STPG2: variants seen among roughly 807,000 people sequenced by gnomAD.
STPG2 encodes sperm-tail PG-rich repeat-containing protein 2.
STPG2 carries 56 observed loss-of-function variants against 54.2 expected under a neutral mutation model. That is an observed-to-expected ratio of 1.03 (90% confidence interval 0.83 to 1.29). The LOEUF (loss-of-function observed/expected upper bound fraction) is 1.29. Ranked by LOEUF, STPG2 falls within the 50% of genes most tolerant of loss-of-function variation. The pLI, the probability that STPG2 is intolerant of heterozygous loss-of-function variation, is 0.00. For synonymous variants in STPG2, 200 were observed against 181.8 expected, an observed-to-expected ratio of 1.10 and a Z score of -0.81; for missense variants, 596 against 544.9, an observed-to-expected ratio of 1.09 and a Z score of -0.93.
chr4:97,458,597 G>C (rs1482367021), intron 4 of STPG2, among the ~76,000 whole-genome samples: 1 of 152,094 alleles, frequency 6.6e-6, no homozygotes, highest in Non-Finnish European at 1.5e-5. Context: ...TCATACGTTT[G>C]ATTGAATAGT....
chr4:97,624,175 A>G (rs1734082881), intron 10 of STPG2, among the ~76,000 whole-genome samples: 1 of 152,154 alleles, frequency 6.6e-6, no homozygotes, highest in South Asian at 2.1e-4. Context: ...TGCTTGGCCA[A>G]ATGGTATTTC....
chr4:98,046,333 G>A (rs4699323), intron 5 of STPG2, among the ~76,000 whole-genome samples: 31,747 of 152,056 alleles, frequency 0.21, 3,586 homozygotes, highest in Middle Eastern at 0.28. Flanking sequence ...AATTTCATGA[G>A]GGCCAGTTTC....
intron 9 of STPG2, among the ~76,000 whole-genome samples, chr4:97,756,242 A>C (rs1725728626): frequency 6.6e-6 from 1 of 152,188 alleles, no homozygotes; most frequent in Non-Finnish European, 1.5e-5. Context: ...GATAAACAAA[A>C]TTATTGAAAG....
At chr4:98,105,018 A>G (rs1739149666) in intron 5 of STPG2, among the ~76,000 whole-genome samples, 1 of 152,234 alleles carries the variant, frequency 6.6e-6, no homozygotes, top group Non-Finnish European at 1.5e-5. Flanking sequence ...GGCCAATCCC[A>G]GCAGCCATAC....
chr4:97,892,150 T>C (rs1730795582), intron 8 of STPG2, among the ~76,000 whole-genome samples: 2 of 152,100 alleles, frequency 1.3e-5, no homozygotes, highest in Non-Finnish European at 2.9e-5. Flanking sequence ...TAATCATGGG[T>C]TTTAGAATCA....
At position 97,672,726 on chromosome 4, in the gene STPG2, T is replaced by C. The variant is rs146502282; in HGVS notation, c.1320+39973A>G. On this transcript the variant is annotated intron_variant, in intron 10 of 10. Coordinates refer to ENST00000295268, the MANE Select transcript of STPG2 (RefSeq NM_174952.3). ...TCTCAGGAGAACATGACTGAGTTTA[T>C]TCTAAGGAGATCAGTATGCATTTAA... is the stretch of plus-strand genomic sequence containing the variant. Among the ~76,000 whole-genome samples, 362 of 152,278 alleles carry C rather than the reference T, an allele frequency of 2.4e-3. 1 individual carries two copies. The highest frequency in any genetic ancestry group is 5.0e-3 in the Admixed American group (77 of 15,292).
At chr4:98,067,544 A>T (rs371684111) in intron 5 of STPG2, among the ~76,000 whole-genome samples, 2 of 152,194 alleles carry the variant, frequency 1.3e-5, no homozygotes, top group East Asian at 1.9e-4. Flanking sequence ...AGGCTTTCAG[A>T]TAATATCAAG....
At chr4:97,793,507 T>C (rs1299790701) in intron 9 of STPG2, among the ~76,000 whole-genome samples, 1 of 151,986 alleles carries the variant, frequency 6.6e-6, no homozygotes, top group Non-Finnish European at 1.5e-5. Context: ...CAGTACACAA[T>C]ATGTACAGCT....
chr4:97,566,255 A>G (rs923893972), intron 10 of STPG2, among the ~76,000 whole-genome samples: 3 of 152,110 alleles, frequency 2.0e-5, no homozygotes, highest in African/African-American at 7.2e-5. Context: ...GCGGGATATA[A>G]TCTCCTGGTG....
intron 8 of STPG2, among the ~76,000 whole-genome samples, chr4:97,889,396 A>T (rs1730686788): frequency 6.6e-6 from 1 of 152,232 alleles, no homozygotes; most frequent in Non-Finnish European, 1.5e-5. Flanking sequence ...TATTCACAGT[A>T]GTCAAGATAT....
At position 97,840,777 on chromosome 4, in the gene STPG2, C is replaced by T. The variant is rs1206669534; in HGVS notation, c.1200G>A (p.Gly400=). The T allele has an allele frequency of 1.9e-6, 3 of 1,610,570 alleles. No homozygotes were observed. The highest frequency in any genetic ancestry group is 2.2e-5 in the East Asian group (1 of 44,814). ...TPRCLEKVTD[G]PGPAAYNPVL... ...TATAAGGACTTCTAGACTTACCTGG[C>T]CCATCAGTCACTTTTTCTAGGCACC... The change falls in exon 9 of 11, where the codon GGG becomes GGA. Residue 400 remains glycine (G), a synonymous_variant. Transcript: ENST00000295268.
intron 9 of STPG2, among the ~76,000 whole-genome samples, chr4:97,784,910 T>A (rs1726777902): frequency 6.6e-6 from 1 of 152,022 alleles, no homozygotes; most frequent in South Asian, 2.1e-4. Context: ...CATCTATAAT[T>A]TCTGGCAAAA....
At chr4:97,828,707 G>C (rs368099073) in intron 9 of STPG2, among the ~76,000 whole-genome samples, 1 of 152,082 alleles carries the variant, frequency 6.6e-6, no homozygotes, top group Admixed American at 6.5e-5. Context: ...GCTTGATCGC[G>C]GGAGGGGCAT....
At chr4:97,977,613 G>C (rs1734539967) in intron 6 of STPG2, among the ~76,000 whole-genome samples, 1 of 152,126 alleles carries the variant, frequency 6.6e-6, no homozygotes, top group South Asian at 2.1e-4. Context: ...AAGAGGCCCA[G>C]ATCAATCTGT....
rs987287825 is a variant in STPG2, at chr4:98,026,234, C to T, written c.613-44916G>A. On this transcript the variant is annotated intron_variant, in intron 5 of 10. Coordinates refer to ENST00000295268, the MANE Select transcript of STPG2 (RefSeq NM_174952.3). The stretch of plus-strand genomic sequence containing the variant: ...GGTAGCTCAAAAGAAAGCAAGCCCC[C>T]TCAAGAGCTCAGGAGTGGGCTGCTG... 4.9e-6 allele frequency: 5 copies of T among 1,018,142 alleles called. No homozygotes were observed. In the African/African-American group the frequency reaches 6.4e-5, roughly 13 times the overall value. 63.1% of individuals were successfully genotyped at this position (1,018,142 alleles called of 1,614,324 possible).
At chr4:97,680,475 A>T (rs1041453448) in intron 10 of STPG2, among the ~76,000 whole-genome samples, 2 of 152,032 alleles carry the variant, frequency 1.3e-5, no homozygotes, top group African/African-American at 4.8e-5. Context: ...TTGTACATTG[A>T]TTTTGTATCC....
At chr4:97,876,752 T>C (rs1487561952) in intron 8 of STPG2, among the ~76,000 whole-genome samples, 1 of 152,054 alleles carries the variant, frequency 6.6e-6, no homozygotes, top group African/African-American at 2.4e-5. Flanking sequence ...TTGGTATTTC[T>C]ACATAAACAG....
rs900302100 is a variant in STPG2, at chr4:97,496,025, C to G, written c.462+216674G>C. Among the ~76,000 whole-genome samples, 4 of 151,516 alleles carry G rather than the reference C, an allele frequency of 2.6e-5. No individual in the cohort carries two copies. In the South Asian group the frequency reaches 6.2e-4, roughly 24 times the overall value. ...AATACTCCAAAATGATTTACACACACAAACATGCATAAATATGTTGAAAAT... is the reference window on the plus strand; with the variant it reads ...AATACTCCAAAATGATTTACACACAGAAACATGCATAAATATGTTGAAAAT... On this transcript the variant is annotated intron_variant, in intron 4 of 4. Coordinates refer to the STPG2 transcript ENST00000522676.
At chr4:98,102,493 C>A (rs886646928) in intron 5 of STPG2, among the ~76,000 whole-genome samples, 3 of 144,926 alleles carry the variant, frequency 2.1e-5, no homozygotes, top group Non-Finnish European at 1.5e-5. Flanking sequence ...CTTTCATCAT[C>A]CATTCTTTCT....
Sources: allele counts gnomAD v4.1 joint callset (sites outside exome capture counted in the v4.1 genomes callset), GRCh38; gene constraint gnomAD v4.1.1; transcripts MANE v1.5; gene names NCBI Gene and HGNC (gene_info 2026-07-23, HGNC 2026-07-21).